The following CC2D2B variants were observed in gnomAD, a reference collection of about 807,000 sequenced individuals.
The protein encoded by CC2D2B is coiled-coil and C2 domain containing 2B.
Under a neutral mutation model 161.2 loss-of-function variants are expected in CC2D2B, and 128 were observed. The ratio of observed to expected loss-of-function variants is 0.79; its 90% CI spans 0.69 to 0.92. CC2D2B has a LOEUF of 0.92. CC2D2B is among the 40% of genes least tolerant of loss of function. The probability of loss-of-function intolerance (pLI) is 0.00; values close to 1 mark genes in which losing one functional copy is unlikely to be tolerated. For missense variants in CC2D2B, 1,173 were observed against 1,375.1 expected, an observed-to-expected ratio of 0.85 and a Z score of 2.32; for synonymous variants, 391 against 449.8, an observed-to-expected ratio of 0.87 and a Z score of 1.65.
At chr10:95,908,409 CA>C (rs1264921546) in intron 1 of CC2D2B, among the ~76,000 whole-genome samples, 2 of 152,086 alleles carry the variant, frequency 1.3e-5, no homozygotes, top group African/African-American at 4.8e-5. Context: ...ATGTAATGAA[CA>C]AAAATTCGCA....
chr10:95,988,349 A>G lies in CC2D2B; in HGVS notation c.2379+7A>G, dbSNP rs2077811732. ...TGCCAATTTTCTGAAAAAGGTAACA[A>G]CACAGTATTATCAATATATTTGCAT... On this transcript the variant is annotated splice_region_variant and intron_variant, in intron 20 of 34. Coordinates refer to ENST00000646931, the MANE Select transcript of CC2D2B (RefSeq NM_001349008.3). The G allele has an allele frequency of 8.7e-7, 1 of 1,154,082 alleles. No individual in the cohort carries two copies. The allele number at this position is 1,154,082 out of a possible 1,614,324, so 71.5% of individuals were successfully genotyped here. A position where few individuals can be genotyped will look rare whatever the true frequency, so the allele number is the denominator to read the frequency against.
At chr10:95,914,770 C>A (rs982191893) in intron 2 of CC2D2B, among the ~76,000 whole-genome samples, 1 of 152,184 alleles carries the variant, frequency 6.6e-6, no homozygotes, top group Non-Finnish European at 1.5e-5. Context: ...AATTAAACTT[C>A]TTTCCTTTAT....
At chr10:95,913,296 C>A in intron 2 of CC2D2B, 1 of 181,764 alleles carries the variant, frequency 5.5e-6, no homozygotes. Flanking sequence ...GGATCTCATT[C>A]TTTTTTTTAT....
At chr10:95,957,092 C>T (rs77147865) in intron 11 of CC2D2B, among the ~76,000 whole-genome samples, 5,555 of 152,156 alleles carry the variant, frequency 0.037, 140 homozygotes, top group South Asian at 0.079. Context: ...GCTATCCCCC[C>T]ACCCCTGCCC....
At chr10:95,928,154 G>C (rs2098542916) in intron 6 of CC2D2B, among the ~76,000 whole-genome samples, 1 of 151,548 alleles carries the variant, frequency 6.6e-6, no homozygotes, top group South Asian at 2.1e-4. Context: ...CCACCTCCCA[G>C]TCTCTTCCAG....
chr10:95,940,030 G>A (rs1426121492), intron 9 of CC2D2B, among the ~76,000 whole-genome samples: 2 of 152,142 alleles, frequency 1.3e-5, no homozygotes, highest in East Asian at 3.9e-4. Flanking sequence ...CATGATGCTG[G>A]CATCTGCTTG....
intron 6 of CC2D2B, among the ~76,000 whole-genome samples, chr10:95,933,954 G>A (rs1008998393): frequency 2.0e-5 from 3 of 152,144 alleles, no homozygotes; most frequent in South Asian, 2.1e-4. Flanking sequence ...AGGCAGGAAC[G>A]TTTAAGTCTG....
At chr10:95,981,705 G>A (rs1057396485) in intron 17 of CC2D2B, among the ~76,000 whole-genome samples, 6 of 152,018 alleles carry the variant, frequency 3.9e-5, no homozygotes, top group East Asian at 3.9e-4. Context: ...ATACAATATC[G>A]ATGGCAAAGA....
At chr10:95,916,933 A>G (rs2098517393) in intron 2 of CC2D2B, among the ~76,000 whole-genome samples, 1 of 134,430 alleles carries the variant, frequency 7.4e-6, no homozygotes. Flanking sequence ...ATAAGGTCTG[A>G]TATTTTTTGG....
chr10:95,985,373 A>C (rs1254083602), intron 19 of CC2D2B, among the ~76,000 whole-genome samples: 6 of 152,252 alleles, frequency 3.9e-5, no homozygotes, highest in African/African-American at 1.4e-4. Context: ...TAAATTGTGA[A>C]GATTTCATGG....
intron 17 of CC2D2B, among the ~76,000 whole-genome samples, chr10:95,974,996 T>C (rs796704545): frequency 1.3e-5 from 2 of 152,294 alleles, no homozygotes; most frequent in African/African-American, 4.8e-5. Context: ...CTATGGACTT[T>C]GAGTGACAAT....
intron 3 of CC2D2B, among the ~76,000 whole-genome samples, chr10:95,922,359 T>TTCAGCAA (rs1323126679): frequency 6.6e-6 from 1 of 152,242 alleles, no homozygotes; most frequent in Non-Finnish European, 1.5e-5. Context: ...GTGCAGAACC[T>TTCAGCAA]GCTTCAGCAA....
At chr10:95,982,840 C>A (rs140933673) in intron 18 of CC2D2B, among the ~76,000 whole-genome samples, 1 of 152,252 alleles carries the variant, frequency 6.6e-6, no homozygotes, top group African/African-American at 2.4e-5. Context: ...GGTGCGATCT[C>A]GGGTCACCAC....
chr10:95,983,333 T>A (rs2077599920), intron 18 of CC2D2B, among the ~76,000 whole-genome samples: 1 of 152,214 alleles, frequency 6.6e-6, no homozygotes, highest in South Asian at 2.1e-4. Flanking sequence ...ATAGGAACAG[T>A]CTCATCTGCC....
At chr10:95,990,173 T>A (rs945493090) in intron 20 of CC2D2B, among the ~76,000 whole-genome samples, 1 of 152,112 alleles carries the variant, frequency 6.6e-6, no homozygotes, top group Non-Finnish European at 1.5e-5. Context: ...ATTCTATAAG[T>A]CAGATAATTG....
chr10:95,924,447 C>CA, intron 4 of CC2D2B, 57 bp downstream of exon 4: 1 of 948,842 alleles, frequency 1.1e-6, no homozygotes, highest in African/African-American at 1.7e-5. Context: ...AGACATTTAA[C>CA]ACAATCAAGT....
intron 9 of CC2D2B, among the ~76,000 whole-genome samples, chr10:95,946,725 A>G (rs1485773436): frequency 6.6e-6 from 1 of 152,064 alleles, no homozygotes; most frequent in Non-Finnish European, 1.5e-5. Flanking sequence ...AAAGGTTCCT[A>G]ACTCAGGAAA....
chr10:95,943,503 A>G (rs2076092938), intron 9 of CC2D2B, among the ~76,000 whole-genome samples: 1 of 152,292 alleles, frequency 6.6e-6, no homozygotes, highest in Non-Finnish European at 1.5e-5. Flanking sequence ...TACTGCCACC[A>G]TATTTTCAGA....
In CC2D2B at chr10:96,032,408, C is replaced by G; in HGVS notation, c.*400C>G. On this transcript the variant is annotated 3_prime_UTR_variant, in exon 35 of 35. Transcript: ENST00000646931. ...AAAATGCAGATTACTAGATCCTCCT[C>G]AAGACCCACTGAATCAGCACCTCTG... is the stretch of plus-strand genomic sequence containing the variant. The G allele has an allele frequency of 4.8e-6, 1 of 206,804 alleles. No individual in the cohort carries two copies. The allele number at this position is 206,804 out of a possible 1,614,324, so 12.8% of individuals were successfully genotyped here. A position where few individuals can be genotyped will look rare whatever the true frequency, so the allele number is the denominator to read the frequency against.
Sources: allele counts gnomAD v4.1 joint callset (sites outside exome capture counted in the v4.1 genomes callset), GRCh38; gene constraint gnomAD v4.1.1; transcripts MANE v1.5; gene names NCBI Gene and HGNC (gene_info 2026-07-23, HGNC 2026-07-21).